VPS13B: variants seen among roughly 807,000 people sequenced by gnomAD.
The protein encoded by VPS13B is vacuolar protein sorting 13 homolog B.
Under a neutral mutation model 426.4 loss-of-function variants are expected in VPS13B, and 285 were observed. The ratio of observed to expected loss-of-function variants is 0.67; its 90% CI spans 0.61 to 0.74. The LOEUF is 0.74. VPS13B is among the 30% of genes least tolerant of loss of function. VPS13B has a pLI of 0.00. For missense variants in VPS13B, 4,537 were observed against 4,782.6 expected, an observed-to-expected ratio of 0.95 and a Z score of 1.51; for synonymous variants, 1,676 against 1,676.4, an observed-to-expected ratio of 1.00 and a Z score of 0.01.
At chr8:99,458,760 G>A (rs1380037240) in intron 23 of VPS13B, among the ~76,000 whole-genome samples, 2 of 152,122 alleles carry the variant, frequency 1.3e-5, no homozygotes, top group African/African-American at 2.4e-5. Flanking sequence ...ACTTTTTGAT[G>A]GGGTTGTTTG....
chr8:99,107,599 C>G (rs1279678407), intron 5 of VPS13B, among the ~76,000 whole-genome samples: 1 of 152,062 alleles, frequency 6.6e-6, no homozygotes, highest in Admixed American at 6.5e-5. Flanking sequence ...AGAATCCTAT[C>G]ATCTCCCATG....
At chr8:99,326,592 T>A (rs1053534251) in intron 19 of VPS13B, among the ~76,000 whole-genome samples, 14 of 150,852 alleles carry the variant, frequency 9.3e-5, no homozygotes, top group African/African-American at 3.4e-4. Flanking sequence ...AGAGATGAGG[T>A]TTTGCCACGT....
chr8:99,290,690 G>A, intron 19 of VPS13B, among the ~76,000 whole-genome samples: 1 of 151,692 alleles, frequency 6.6e-6, no homozygotes, highest in East Asian at 1.9e-4. Context: ...GTAGTTCAAG[G>A]AATGCCACAA....
intron 19 of VPS13B, among the ~76,000 whole-genome samples, chr8:99,378,294 C>A (rs755877669): frequency 3.9e-5 from 6 of 152,198 alleles, no homozygotes; most frequent in Non-Finnish European, 8.8e-5. Context: ...TTAAGGCTAT[C>A]TCTCTTGTTC....
At chr8:99,809,247 C>T in intron 43 of VPS13B, 128 bp from the exon 44 acceptor site, 1 of 1,156,852 alleles carries the variant, frequency 8.6e-7, no homozygotes, top group Non-Finnish European at 1.3e-6. Context: ...ATGAATAATG[C>T]AGGTTAGAAA....
intron 34 of VPS13B, among the ~76,000 whole-genome samples, chr8:99,643,906 G>A (rs1159187398): frequency 6.6e-6 from 1 of 152,218 alleles, no homozygotes; most frequent in East Asian, 1.9e-4. Context: ...AACATGTTAT[G>A]TGATTCAAGA....
intron 24 of VPS13B, among the ~76,000 whole-genome samples, chr8:99,478,086 TA>T (rs371899284): frequency 1.3e-3 from 177 of 141,356 alleles, no homozygotes; most frequent in Admixed American, 1.6e-3. Flanking sequence ...TGTCTTTATT[TA>T]AAAAAAAAAA....
At chr8:99,501,940 C>CTTTCT (rs1821265762) in intron 26 of VPS13B, 82 bp downstream of exon 26, 6 of 1,352,738 alleles carry the variant, frequency 4.4e-6, no homozygotes, top group Admixed American at 4.2e-5. Context: ...TCCTTCCTTC[C>CTTTCT]TTTCTTTTCT....
intron 19 of VPS13B, among the ~76,000 whole-genome samples, chr8:99,359,265 A>G (rs887000943): frequency 6.6e-6 from 1 of 152,140 alleles, no homozygotes. Flanking sequence ...TTTTTATAAC[A>G]GAGTATTTTC....
At chr8:99,702,090 A>C (rs946667933) in intron 36 of VPS13B, among the ~76,000 whole-genome samples, 2 of 152,148 alleles carry the variant, frequency 1.3e-5, no homozygotes, top group African/African-American at 4.8e-5. Flanking sequence ...ACATGCAAAC[A>C]TATATTCAAA....
At chr8:99,681,727 A>G (rs1244478235) in intron 35 of VPS13B, among the ~76,000 whole-genome samples, 1 of 152,204 alleles carries the variant, frequency 6.6e-6, no homozygotes, top group Non-Finnish European at 1.5e-5. Context: ...GCTCTGCTAG[A>G]TTTTCAAACG....
At chr8:99,393,636 A>G (rs913283121) in intron 21 of VPS13B, among the ~76,000 whole-genome samples, 36 of 152,272 alleles carry the variant, frequency 2.4e-4, no homozygotes, top group African/African-American at 8.2e-4. Flanking sequence ...AAAAATTAAT[A>G]GGCATCCAAC....
chr8:99,725,370 C>A (rs1407825472), intron 39 of VPS13B, among the ~76,000 whole-genome samples: 2 of 152,162 alleles, frequency 1.3e-5, no homozygotes, highest in African/African-American at 4.8e-5. Flanking sequence ...CTCTGCCTCC[C>A]AATCTAATGA....
intron 16 of VPS13B, among the ~76,000 whole-genome samples, chr8:99,178,503 G>A (rs1357206901): frequency 6.6e-6 from 1 of 152,114 alleles, no homozygotes; most frequent in African/African-American, 2.4e-5. Flanking sequence ...AAATAAACAG[G>A]TTAGGTATCC....
intron 19 of VPS13B, among the ~76,000 whole-genome samples, chr8:99,292,252 C>T (rs1431551855): frequency 1.3e-5 from 2 of 152,148 alleles, no homozygotes; most frequent in Non-Finnish European, 2.9e-5. Context: ...TGACTTAACA[C>T]AACTGTTGAT....
intron 25 of VPS13B, among the ~76,000 whole-genome samples, chr8:99,493,391 TA>T (rs34734824): frequency 6.6e-6 from 1 of 152,186 alleles, no homozygotes; most frequent in South Asian, 2.1e-4. Context: ...ATTTCCATGT[TA>T]AAAAAGTAAT....
At chr8:99,263,532 G>A (rs1347871238) in intron 17 of VPS13B, among the ~76,000 whole-genome samples, 1 of 152,080 alleles carries the variant, frequency 6.6e-6, no homozygotes, top group African/African-American at 2.4e-5. Flanking sequence ...CCCTTTCCCT[G>A]CTTTTTCTAG....
intron 19 of VPS13B, among the ~76,000 whole-genome samples, chr8:99,298,575 A>T (rs1820172179): frequency 6.6e-6 from 1 of 152,210 alleles, no homozygotes; most frequent in Admixed American, 6.5e-5. Context: ...GGAGATCGTC[A>T]AGATGTCATA....
rs78921219 is a variant in VPS13B, at chr8:99,313,927, A to G, written c.2824+38673A>G. Among the ~76,000 whole-genome samples the G allele has an allele frequency of 3.5e-3, 529 of 152,168 alleles. 3 individuals are homozygous for G. Among genetic ancestry groups the G allele is most frequent in the African/African-American group, 0.012 (490 of 41,520 alleles). ...CAGATGGATTTCAGACTGCTGTGCT[A>G]GCAATGAGTGAGGCTTCGTGGGCTT... is the stretch of plus-strand genomic sequence containing the variant. On this transcript the variant is annotated intron_variant, in intron 19 of 61. Transcript: ENST00000357162.
Sources: allele counts gnomAD v4.1 joint callset (sites outside exome capture counted in the v4.1 genomes callset), GRCh38; gene constraint gnomAD v4.1.1; transcripts MANE v1.5; gene names NCBI Gene and HGNC (gene_info 2026-07-23, HGNC 2026-07-21).